The following MTR variants were observed in gnomAD, a reference collection of about 807,000 sequenced individuals.
The protein encoded by MTR is 5-methyltetrahydrofolate-homocysteine methyltransferase.
Under a neutral mutation model 154.8 loss-of-function variants are expected in MTR, and 84 were observed. The ratio of observed to expected loss-of-function variants is 0.54; its 90% CI spans 0.45 to 0.65. The LOEUF (loss-of-function observed/expected upper bound fraction) is 0.65. Ranked by LOEUF, MTR falls within the 30% of genes least tolerant of loss-of-function variation. MTR has a pLI of 0.00. For synonymous variants in MTR, 554 were observed against 553.9 expected (o/e 1.00, Z 0.00); for missense variants, 1,275 against 1,570.2 (o/e 0.81, Z 3.18).
rs59525673 is a variant in MTR at position 236,860,069 on chromosome 1, G to GCCC, written c.2043+166_2043+168dup. On this transcript the variant is annotated intron_variant, in intron 19 of 32. Coordinates refer to ENST00000366577, the MANE Select transcript of MTR (RefSeq NM_000254.3). ...AGGTCCCTCTTGCTGTCCCCCAGCT[G>GCCC]CCCCCCCCCCCCCCCCCCCCCACCA... 25 of 270,568 alleles carry GCCC rather than the reference G, an allele frequency of 9.2e-5. 1 individual carries two copies. Among genetic ancestry groups the GCCC allele is most frequent in the African/African-American group, 3.1e-4 (7 of 22,226 alleles). 16.8% of individuals were successfully genotyped at this position (270,568 alleles called of 1,614,324 possible).
In MTR at chr1:236,863,529, G is replaced by A; in HGVS notation, c.2380G>A (p.Val794Ile). Residue 794 changes from valine (V) to isoleucine (I), a missense_variant, in exon 22 of 33, where the codon GTA (valine) becomes ATA (isoleucine). By Grantham distance (29) the Val-to-Ile change is conservative. Coordinates refer to ENST00000366577, the MANE Select transcript of MTR (RefSeq NM_000254.3). ...CGACATAGGCAAGAACATAGTTGGA[G>A]TAGTCCTTGGCTGCAATAATTTCCG... ...VHDIGKNIVG[V>I]VLGCNNFRVI... 2 of 1,614,088 alleles carry A rather than the reference G, an allele frequency of 1.2e-6. No individual in the cohort carries two copies. Among genetic ancestry groups the A allele is most frequent in the Non-Finnish European group, 1.7e-6 (2 of 1,179,960 alleles).
At chr1:236,868,352 A>T (rs770779217) in intron 22 of MTR, among the ~76,000 whole-genome samples, 17 of 152,212 alleles carry the variant, frequency 1.1e-4, no homozygotes, top group Admixed American at 7.2e-4. Context: ...TATTGCACAC[A>T]TAATAGAGTA....
intron 1 of MTR, among the ~76,000 whole-genome samples, chr1:236,802,746 C>T (rs1660765636): frequency 6.6e-6 from 1 of 151,942 alleles, no homozygotes; most frequent in African/African-American, 2.4e-5. Flanking sequence ...AAAGGTGAAC[C>T]AAAGGAGGCT....
At chr1:236,796,485 T>C (rs1660395580) in intron 1 of MTR, among the ~76,000 whole-genome samples, 1 of 152,198 alleles carries the variant, frequency 6.6e-6, no homozygotes, top group African/African-American at 2.4e-5. Flanking sequence ...GAAACGAGAA[T>C]TAGTGATAAG....
intron 22 of MTR, 142 bp from the exon 23 acceptor site, chr1:236,873,631 A>C (rs957532692): frequency 1.4e-6 from 1 of 722,182 alleles, no homozygotes; most frequent in Non-Finnish European, 2.5e-6. Flanking sequence ...TGTGGTGGTA[A>C]TCCTCAATAT....
At chr1:236,895,094 G>A (rs1393045096) in intron 30 of MTR, 8 of 500,646 alleles carry the variant, frequency 1.6e-5, no homozygotes, top group African/African-American at 3.9e-5. Context: ...TAGGGAAATC[G>A]TTAATTTTAA....
intron 14 of MTR, among the ~76,000 whole-genome samples, chr1:236,837,710 G>A (rs1248482964): frequency 5.9e-5 from 9 of 152,144 alleles, no homozygotes; most frequent in Admixed American, 5.2e-4. Context: ...ACCAGCCAAG[G>A]CAACATAGTT....
chr1:236,868,013 A>T (rs567539155), intron 22 of MTR, among the ~76,000 whole-genome samples: 1 of 152,358 alleles, frequency 6.6e-6, no homozygotes, highest in South Asian at 2.1e-4. Context: ...GCAAGGTTTG[A>T]GATGATTGGC....
intron 4 of MTR, among the ~76,000 whole-genome samples, chr1:236,809,430 T>C (rs1221856933): frequency 6.6e-6 from 1 of 152,182 alleles, no homozygotes; most frequent in East Asian, 1.9e-4. Context: ...TGTAGCCCCT[T>C]AAGACTTGGA....
intron 3 of MTR, 44 bp from the exon 4 acceptor site, chr1:236,808,660 G>A (rs370536025): frequency 1.2e-5 from 19 of 1,562,042 alleles, no homozygotes; most frequent in Admixed American, 3.3e-5. Flanking sequence ...TTTATTGTGC[G>A]GAGGAAAAGA....
chr1:236,849,849 A>C (rs538380018), intron 15 of MTR, among the ~76,000 whole-genome samples: 1 of 152,368 alleles, frequency 6.6e-6, no homozygotes, highest in African/African-American at 2.4e-5. Flanking sequence ...GAATATGCTT[A>C]GAATGTTTTT....
intron 7 of MTR, 147 bp downstream of exon 7, chr1:236,815,810 C>T: frequency 1.3e-6 from 1 of 771,230 alleles, no homozygotes; most frequent in East Asian, 2.7e-5. Context: ...TCCCTTCCAC[C>T]ACTTCTGGAC....
At chr1:236,882,058 T>G (rs1447891490) in intron 25 of MTR, among the ~76,000 whole-genome samples, 1 of 152,228 alleles carries the variant, frequency 6.6e-6, no homozygotes, top group African/African-American at 2.4e-5. Flanking sequence ...ATTAACTCAG[T>G]CTGGGATCAT....
chr1:236,894,766 A>G (rs1433091910), intron 30 of MTR: 2 of 600,920 alleles, frequency 3.3e-6, no homozygotes, highest in Non-Finnish European at 5.8e-6. Context: ...AGGCAAAGAA[A>G]AACCTTGAAT....
intron 27 of MTR, among the ~76,000 whole-genome samples, chr1:236,886,940 C>G (rs1254279775): frequency 4.6e-5 from 7 of 151,298 alleles, no homozygotes; most frequent in Non-Finnish European, 4.4e-5. Context: ...TCTCTGTCCT[C>G]TCTCTGGATG....
intron 29 of MTR, 55 bp downstream of exon 29, chr1:236,891,384 C>A: frequency 4.6e-6 from 7 of 1,533,524 alleles, no homozygotes; most frequent in Non-Finnish European, 6.3e-6. Flanking sequence ...AGTTTAAGCA[C>A]TACACAAAAG....
rs556847759 is a variant in MTR at position 236,838,876 on chromosome 1, A to G, written c.1515+277A>G. On this transcript the variant is annotated intron_variant, in intron 15 of 32. Transcript: ENST00000366577. ...TACACCAACCTAGATGGGATAGCCT[A>G]CTACACACATAGGCTAGATGGTATA... Among the ~76,000 whole-genome samples the G allele has an allele frequency of 2.6e-5, 4 of 152,334 alleles. No individual in the cohort carries two copies. In the South Asian group the frequency reaches 8.3e-4, roughly 32 times the overall value.
rs1426616168 is a variant in MTR, at chr1:236,898,301, C to T, written c.*657C>T. The T allele has an allele frequency of 6.6e-6, 1 of 152,210 alleles. No homozygotes were observed. The allele number at this position is 152,210 out of a possible 1,614,324, so 9.4% of individuals were successfully genotyped here. A position where few individuals can be genotyped will look rare whatever the true frequency, so the allele number is the denominator to read the frequency against. On this transcript the variant is annotated 3_prime_UTR_variant, in exon 33 of 33. Coordinates refer to ENST00000366577, the MANE Select transcript of MTR (RefSeq NM_000254.3). ...ATGCTTTCTGGGCATTTTCGTCCTC[C>T]CATAATTTCATATTTCCGTACCCCT...
chr1:236,886,466 C>A, intron 27 of MTR, 99 bp downstream of exon 27: 1 of 1,063,596 alleles, frequency 9.4e-7, no homozygotes, highest in Non-Finnish European at 1.4e-6. Flanking sequence ...AAACCAGCAG[C>A]TAACGACTCT....
Sources: gnomAD v4.1 joint callset for allele counts (sites outside exome capture counted in the v4.1 genomes callset) on GRCh38, gnomAD v4.1.1 for gene constraint, MANE v1.5 for transcripts, NCBI Gene and HGNC (gene_info 2026-07-23, HGNC 2026-07-21) for gene names.